NUP133: variants seen among roughly 807,000 people sequenced by gnomAD.
The protein encoded by NUP133 is nuclear pore complex protein Nup133.
Under a neutral mutation model 146.2 loss-of-function variants are expected in NUP133, and 66 were observed. The observed-to-expected ratio is 0.45, with a 90% confidence interval of 0.37 to 0.55. The LOEUF (loss-of-function observed/expected upper bound fraction) is 0.55, where lower values mean the gene tolerates loss of function less well. Ranked by LOEUF, NUP133 falls within the 20% of genes least tolerant of loss-of-function variation. The pLI is 0.00. For synonymous variants in NUP133, 521 were observed against 498.8 expected, an observed-to-expected ratio of 1.04 and a Z score of -0.59; for missense variants, 1,277 against 1,374.8, an observed-to-expected ratio of 0.93 and a Z score of 1.12.
chr1:229,503,232 C>T (rs888920172), intron 2 of NUP133, among the ~76,000 whole-genome samples: 7 of 151,654 alleles, frequency 4.6e-5, no homozygotes, highest in African/African-American at 7.3e-5. Context: ...GAGCTGAGAT[C>T]GCGCCACTGC....
intron 13 of NUP133, among the ~76,000 whole-genome samples, chr1:229,476,058 G>A (rs1225801643): frequency 1.3e-5 from 2 of 151,530 alleles, no homozygotes; most frequent in Non-Finnish European, 2.9e-5. Context: ...GCAGTGAGCC[G>A]AGATTGCGCC....
chr1:229,483,696 C>CAAAAAAAAAA (rs35673633), intron 12 of NUP133, among the ~76,000 whole-genome samples: 1 of 57,534 alleles, frequency 1.7e-5, no homozygotes. Context: ...CGGAGTGTCT[C>CAAAAAAAAAA]AAAAAAAAAA....
At chr1:229,443,333 C>T (rs1660225664) in intron 25 of NUP133, among the ~76,000 whole-genome samples, 1 of 151,864 alleles carries the variant, frequency 6.6e-6, no homozygotes, top group African/African-American at 2.4e-5. Flanking sequence ...AGCTACCGTG[C>T]CTGGCAAAAT....
Position 229,468,602 on chromosome 1 carries a change from T to C in NUP133, c.2077-1846A>G, listed in dbSNP as rs1660880279. Among the ~76,000 whole-genome samples, 3 of 152,216 alleles carry C rather than the reference T, an allele frequency of 2.0e-5. No homozygotes were observed. The South Asian group carries it at 6.2e-4, about 31-fold the overall frequency. On this transcript the variant is annotated intron_variant, in intron 15 of 25. Transcript: ENST00000261396. Reference sequence around the variant, plus strand: ...TATCCAACTGATAATTTCCAGACCCTTCTCCAATAATTCAGCTAACTGAAA... The same window carrying C: ...TATCCAACTGATAATTTCCAGACCCCTCTCCAATAATTCAGCTAACTGAAA...
chr1:229,444,846 C>CA (rs67514588), intron 25 of NUP133, 68 bp downstream of exon 25: 155,848 of 1,032,264 alleles, frequency 0.15, 8,805 homozygotes, highest in Middle Eastern at 0.21. Context: ...GACTCCGTCT[C>CA]AAAAAAAAAC....
intron 22 of NUP133, 107 bp from the exon 23 acceptor site, chr1:229,450,712 G>GT (rs540902400): frequency 8.1e-5 from 42 of 518,330 alleles, no homozygotes; most frequent in African/African-American, 7.5e-4. Flanking sequence ...GTTGTAGTTT[G>GT]TTTTTTGTTT....
Position 229,497,747 on chromosome 1 carries a change from T to A in NUP133, c.819+389A>T, listed in dbSNP as rs1661689338. On this transcript the variant is annotated intron_variant, in intron 6 of 25. Transcript: ENST00000261396. ...TCATCTTCCCTTCACTATGCTAGAG[T>A]ATGGTGCAGAGAAGTCCAGCCAACA... Among the ~76,000 whole-genome samples the A allele has an allele frequency of 2.6e-5, 4 of 152,106 alleles. No individual in the cohort carries two copies. In the South Asian group the frequency reaches 8.3e-4, roughly 32 times the overall value.
At chr1:229,485,617 A>G (rs1558102992) in intron 11 of NUP133, among the ~76,000 whole-genome samples, 1 of 152,340 alleles carries the variant, frequency 6.6e-6, no homozygotes, top group East Asian at 1.9e-4. Context: ...CAGAGGAAGG[A>G]GTATAAGGTA....
chr1:229,482,741 G>A (rs995713009), intron 12 of NUP133, among the ~76,000 whole-genome samples: 1 of 152,134 alleles, frequency 6.6e-6, no homozygotes, highest in Non-Finnish European at 1.5e-5. Flanking sequence ...ACTTGCTCTG[G>A]CCAACAGGAC....
At chr1:229,456,760 C>G (rs1571910260) in intron 21 of NUP133, among the ~76,000 whole-genome samples, 1 of 149,380 alleles carries the variant, frequency 6.7e-6, no homozygotes, top group African/African-American at 2.5e-5. Flanking sequence ...TATATACACA[C>G]AATTTTATAT....
In NUP133 at chr1:229,453,868, T is replaced by C. The variant is rs143181917; in HGVS notation, c.2981-1225A>G. ...CCTGTGTATGTTCTATGGTAGTAAA[T>C]GATAAAATAGACTACATATGTTTTA... is the stretch of plus-strand genomic sequence containing the variant. On this transcript the variant is annotated intron_variant, in intron 21 of 25. Transcript: ENST00000261396. Among the ~76,000 whole-genome samples the C allele has an allele frequency of 1.7e-3, 256 of 152,306 alleles. 2 individuals are homozygous for C. The highest frequency in any genetic ancestry group is 5.7e-3 in the African/African-American group (237 of 41,550).
chr1:229,472,251 G>A (rs544068788), intron 14 of NUP133, among the ~76,000 whole-genome samples: 30 of 151,624 alleles, frequency 2.0e-4, no homozygotes, highest in Admixed American at 6.6e-4. Flanking sequence ...CCAGGGAAGC[G>A]GAGCTTGCAG....
chr1:229,508,025 G>A lies in NUP133; in HGVS notation c.182+43C>T, dbSNP rs776517598. On this transcript the variant is annotated intron_variant, in intron 1 of 25. Coordinates refer to ENST00000261396, the MANE Select transcript of NUP133 (RefSeq NM_018230.3). ...CAACCTATCCGGCCCACTGCGGCCC[G>A]TGAGGCTGTTGGTTGCCAGACCCAA... 11 of 1,414,688 alleles carry A rather than the reference G, an allele frequency of 7.8e-6. No individual in the cohort carries two copies. In the African/African-American group the frequency reaches 1.5e-4, roughly 19 times the overall value. 87.6% of individuals were successfully genotyped at this position (1,414,688 alleles called of 1,614,324 possible).
At chr1:229,490,548 T>C (rs911402932) in intron 8 of NUP133, among the ~76,000 whole-genome samples, 1 of 152,158 alleles carries the variant, frequency 6.6e-6, no homozygotes, top group African/African-American at 2.4e-5. Context: ...ACATCAGTGA[T>C]CTCCAGGGGC....
At chr1:229,484,289 CT>C (rs1481674173) in intron 11 of NUP133, 144 bp from the exon 12 acceptor site, 5 of 494,510 alleles carry the variant, frequency 1.0e-5, no homozygotes, top group Non-Finnish European at 1.4e-5. Context: ...GGTGTCCAAT[CT>C]TTTGGCTTCC....
At chr1:229,487,263 C>T (rs1661377346) in intron 10 of NUP133, among the ~76,000 whole-genome samples, 1 of 152,106 alleles carries the variant, frequency 6.6e-6, no homozygotes, top group Non-Finnish European at 1.5e-5. Flanking sequence ...CTATCTTTGT[C>T]TGTAAATATA....
In NUP133 at chr1:229,464,674, T is replaced by C. The variant is rs780331858; in HGVS notation, c.2501A>G (p.Asn834Ser). 3.1e-6 allele frequency: 5 copies of C among 1,614,066 alleles called. No individual in the cohort carries two copies. The highest frequency in any genetic ancestry group is 4.2e-6 in the Non-Finnish European group (5 of 1,179,994). Reference sequence around the variant, plus strand: ...TTTCTGTAGGTATTCCATCTCCAGATTGTCATATCTTTCCCGATTACTGGA... The same window carrying C: ...TTTCTGTAGGTATTCCATCTCCAGACTGTCATATCTTTCCCGATTACTGGA... ...DKSSNRERYD[N>S]LEMEYLQKRS... Residue 834 changes from asparagine to serine, a missense_variant, in exon 18 of 26, where the codon AAT (asparagine) becomes AGT (serine). Around this residue, in one of 3 missense-constraint regions of NUP133, gnomAD observed 952 missense variants for 1,047.0 expected, o/e 0.91. Coordinates refer to ENST00000261396, the MANE Select transcript of NUP133 (RefSeq NM_018230.3).
At chr1:229,449,873 A>ATATATATATATTTTT (rs1261799272) in intron 23 of NUP133, among the ~76,000 whole-genome samples, 2 of 85,806 alleles carry the variant, frequency 2.3e-5, no homozygotes, top group African/African-American at 1.0e-4. Flanking sequence ...ATATATATAT[A>ATATATATATATTTTT]TTTTTTTTTT....
In NUP133 at chr1:229,496,067, A is replaced by C; in HGVS notation, c.820-20T>G. 6.5e-7 allele frequency: 1 copy of C among 1,539,912 alleles called. No homozygotes were observed. The highest frequency in any genetic ancestry group is 2.3e-5 in the East Asian group (1 of 43,108). On this transcript the variant is annotated intron_variant, in intron 6 of 25. Transcript: ENST00000261396. ...TGAAAGCTATTCAGAAAAGAAAAGG[A>C]AGTCAAATTCACAGATTAACTTCTA...
Sources: allele counts gnomAD v4.1 joint callset (sites outside exome capture counted in the v4.1 genomes callset), GRCh38; gene constraint gnomAD v4.1.1; regional missense constraint gnomAD v4.1.1; transcripts MANE v1.5; gene names NCBI Gene and HGNC (gene_info 2026-07-23, HGNC 2026-07-21).